Variants in DUS3L observed in about 807,000 individuals in gnomAD.
DUS3L encodes the protein tRNA-dihydrouridine(47) synthase [NAD(P)(+)]-like.
A neutral mutation model predicts 74.6 loss-of-function variants in DUS3L; 62 were observed. That is an observed-to-expected ratio of 0.83 (90% CI 0.68 to 1.03). DUS3L has a LOEUF of 1.03. Ranked by LOEUF, DUS3L falls within the 50% of genes least tolerant of loss-of-function variation. The pLI is 0.00. For synonymous variants in DUS3L, 433 were observed against 395.7 expected (o/e 1.09, Z -1.12); for missense variants, 884 against 924.4 (o/e 0.96, Z 0.57).
intron 3 of DUS3L, 84 bp downstream of exon 3, chr19:5,789,123 G>C: frequency 2.0e-6 from 3 of 1,484,110 alleles, no homozygotes; most frequent in South Asian, 1.4e-5. Context: ...CAGGCAGCTA[G>C]AACAGGAACG....
chr19:5,789,881 G>C, intron 2 of DUS3L, 162 bp from the exon 3 acceptor site: 1 of 1,302,028 alleles, frequency 7.7e-7, no homozygotes, highest in South Asian at 1.4e-5. Flanking sequence ...TGAGAACAAT[G>C]ACAAGCCCTA....
chr19:5,787,223 C>CGGCGGGA (rs373551653), intron 7 of DUS3L, 52 bp from the exon 8 acceptor site: 2 of 248,756 alleles, frequency 8.0e-6, no homozygotes, highest in Admixed American at 9.6e-5. Flanking sequence ...TGGTGGGAGA[C>CGGCGGGA]GGTGGGAGGT....
rs1450729331 is a variant in DUS3L, at chr19:5,787,317, C to G, written c.1257G>C (p.Gln419His). ...GTACCTGGTTCATGCCACGGACGAT[C>G]TGCTGGAACTTGGTGGAGCGATTCA... ...ALMNRSTKFQ[Q>H]IVRGMNQVLD... Residue 419 changes from glutamine (Q) to histidine (H), a missense_variant, in exon 7 of 13, where the codon CAG becomes CAC. By Grantham distance (24) the Gln-to-His change is conservative. Transcript: ENST00000309061. 1.8e-6 allele frequency: 2 copies of G among 1,119,618 alleles called. No individual in the cohort carries two copies. Among genetic ancestry groups the G allele is most frequent in the Non-Finnish European group, 1.1e-6 (1 of 896,570 alleles). The allele number at this position is 1,119,618 out of a possible 1,614,324, so 69.4% of individuals were successfully genotyped here.
chr19:5,789,869 A>C, intron 2 of DUS3L, 150 bp from the exon 3 acceptor site: 1 of 1,294,914 alleles, frequency 7.7e-7, no homozygotes, highest in Non-Finnish European at 1.1e-6. Flanking sequence ...CCATTTATAC[A>C]ATGAGAACAA....
chr19:5,787,498 A>C (rs1443327584), intron 6 of DUS3L, 91 bp downstream of exon 6: 8 of 1,540,672 alleles, frequency 5.2e-6, no homozygotes. Context: ...ACTTGAGCCC[A>C]AACCCCTGAC....
chr19:5,785,839 G>T, intron 10 of DUS3L, 48 bp from the exon 11 acceptor site: 1 of 1,507,752 alleles, frequency 6.6e-7, no homozygotes, highest in Non-Finnish European at 8.9e-7. Flanking sequence ...GCCTGCCTGG[G>T]ATCGTGTGGC....
intron 6 of DUS3L, 53 bp from the exon 7 acceptor site, chr19:5,787,414 C>A (rs2056864665): frequency 2.5e-6 from 4 of 1,590,768 alleles, no homozygotes; most frequent in Admixed American, 1.7e-5. Flanking sequence ...GACCCAAGAC[C>A]CCTCACCCCT....
rs920637805 is a variant in DUS3L at position 5,785,145 on chromosome 19, A to G, written c.*58T>C. On this transcript the variant is annotated 3_prime_UTR_variant, in exon 13 of 13. Coordinates refer to ENST00000309061, the MANE Select transcript of DUS3L (RefSeq NM_020175.3). ...GGGTCACAGAAAGGCCTGGATTTTAAAAGAATAAAATTTATTGTACTCTCC... is the reference window on the plus strand; with the variant it reads ...GGGTCACAGAAAGGCCTGGATTTTAGAAGAATAAAATTTATTGTACTCTCC... 109 of 1,540,064 alleles carry G rather than the reference A, an allele frequency of 7.1e-5. No homozygotes were observed. The highest frequency in any genetic ancestry group is 3.4e-4 in the Middle Eastern group (2 of 5,832).
chr19:5,789,891 A>C (rs4807051), intron 2 of DUS3L, 156 bp downstream of exon 2: 1 of 1,306,984 alleles, frequency 7.7e-7, no homozygotes, highest in Non-Finnish European at 1.0e-6. Flanking sequence ...GACAAGCCCT[A>C]CAATGTATCC....
At chr19:5,785,307 GC>G in intron 12 of DUS3L, 32 bp from the exon 13 acceptor site, 1 of 1,609,832 alleles carries the variant, frequency 6.2e-7, no homozygotes, top group Admixed American at 1.7e-5. Flanking sequence ...GCGAGGTCAG[GC>G]CCAGGACCTG....
Position 5,785,779 on chromosome 19 carries a change from G to C in DUS3L, c.1575C>G (p.Leu525=), listed in dbSNP as rs1023669688. The C allele has an allele frequency of 5.6e-6, 9 of 1,600,212 alleles. No individual in the cohort carries two copies. The Admixed American group carries it at 1.0e-4, about 18-fold the overall frequency. ...TGATCTCCGTGAAGAGCCACGGCTT[G>C]AGCAGGGCGCCACTGTGGGACGGGT... is the stretch of plus-strand genomic sequence containing the variant. ...TGIMIARGAL[L]KPWLFTEIKE... The change falls in exon 11 of 13, where the codon CTC becomes CTG. Residue 525 remains leucine (L), a synonymous_variant. Coordinates refer to ENST00000309061, the MANE Select transcript of DUS3L (RefSeq NM_020175.3).
chr19:5,790,863 C>A, intron 1 of DUS3L, 181 bp downstream of exon 1: 1 of 639,488 alleles, frequency 1.6e-6, no homozygotes, highest in Non-Finnish European at 2.7e-6. Flanking sequence ...GTGACAGGCC[C>A]CAACGTGCAC....
In DUS3L at chr19:5,789,654, C is replaced by T; in HGVS notation, c.453G>A (p.Leu151=). The T allele has an allele frequency of 6.2e-7, 1 of 1,609,400 alleles. No individual in the cohort carries two copies. The highest frequency in any genetic ancestry group is 8.5e-7 in the Non-Finnish European group (1 of 1,178,736). Residue 151 remains leucine, a synonymous_variant, in exon 3 of 13, where the codon CTG becomes CTA. Coordinates refer to ENST00000309061, the MANE Select transcript of DUS3L (RefSeq NM_020175.3). The part of the protein sequence containing the change: ...CRFLHDVGRY[L]ETKPADLGPR... ...GGCCCAGGTCGGCCGGCTTGGTCTC[C>T]AGGTAGCGCCCCACGTCGTGCAGAA...
At chr19:5,786,932 G>C in intron 8 of DUS3L, 87 bp from the exon 9 acceptor site, 1 of 1,504,848 alleles carries the variant, frequency 6.6e-7, no homozygotes, top group South Asian at 1.3e-5. Context: ...GAGAGAGACA[G>C]AGAGAGACAC....
At position 5,789,247 on chromosome 19, in the gene DUS3L, T is replaced by A; in HGVS notation, c.860A>T (p.Asp287Val). The stretch of plus-strand genomic sequence containing the variant: ...GGGCCGCAGCCTGACCACGTCCTCA[T>A]CCGTCAGGGGCCCGCAGGTCCGCAC... ...SPVRTCGPLT[D>V]EDVVRLRPCE... is the part of the protein sequence containing the mutation. Residue 287 changes from aspartate (D) to valine (V), a missense_variant, in exon 3 of 13, where the codon GAT becomes GTT. Physicochemically the swap from Asp to Val is radical, Grantham distance 152. Coordinates refer to ENST00000309061, the MANE Select transcript of DUS3L (RefSeq NM_020175.3). 6.4e-7 allele frequency: 1 copy of A among 1,567,160 alleles called. No homozygotes were observed. The highest frequency in any genetic ancestry group is 1.2e-5 in the South Asian group (1 of 84,276).
In DUS3L at chr19:5,785,809, A is replaced by T; in HGVS notation, c.1563-18T>A. 1 of 1,561,780 alleles carries T rather than the reference A, an allele frequency of 6.4e-7. No homozygotes were observed. The highest frequency in any genetic ancestry group is 8.7e-7 in the Non-Finnish European group (1 of 1,153,102). On this transcript the variant is annotated intron_variant, in intron 10 of 12. Transcript: ENST00000309061. Reference sequence around the variant, plus strand: ...GGGCGCCACTGTGGGACGGGTGACGATCAGTGGGCCCAGCCACCAGCCTGC... The same window carrying T: ...GGGCGCCACTGTGGGACGGGTGACGTTCAGTGGGCCCAGCCACCAGCCTGC...
In DUS3L at chr19:5,786,750, G is replaced by T; in HGVS notation, c.1485C>A (p.Phe495Leu). Residue 495 changes from phenylalanine (F) to leucine (L), a missense_variant and splice_region_variant, in exon 9 of 13, where the codon TTC becomes TTA. Coordinates refer to ENST00000309061, the MANE Select transcript of DUS3L (RefSeq NM_020175.3). ...CVQAASPMPL[F>L]GNGDILSFED... ...GAGGTGGCTTCCCGGAACACCCACC[G>T]AACAGGGGCATGGGGCTGGCGGCCT... 2 of 1,611,428 alleles carry T rather than the reference G, an allele frequency of 1.2e-6. No homozygotes were observed. The highest frequency in any genetic ancestry group is 1.7e-5 in the Admixed American group (1 of 59,872).
intron 3 of DUS3L, among the ~76,000 whole-genome samples, chr19:5,788,935 G>A (rs1183193340): frequency 2.0e-5 from 3 of 152,150 alleles, no homozygotes; most frequent in Admixed American, 6.5e-5. Flanking sequence ...TTGAACTCCC[G>A]ACTTCAAATG....
rs2056834569 is a variant in DUS3L, at chr19:5,785,654, C to T, written c.1700G>A (p.Gly567Asp). Residue 567 changes from glycine to aspartate, a missense_variant, in exon 11 of 13, where the codon GGC becomes GAC. By Grantham distance (94) the Gly-to-Asp change is moderately conservative. Transcript: ENST00000309061. ...CAGAAAGCGCCGGGTCTTCTCCACG[C>T]CCTGCGTGTCCGAGCCCCAGTGCTC... ...GLEHWGSDTQGVEKTRRFLLE... is the reference protein window; with the variant it reads ...GLEHWGSDTQDVEKTRRFLLE... 6.2e-7 allele frequency: 1 copy of T among 1,612,436 alleles called. No homozygotes were observed. The highest frequency in any genetic ancestry group is 8.5e-7 in the Non-Finnish European group (1 of 1,179,768).
Sources: allele counts gnomAD v4.1 joint callset (sites outside exome capture counted in the v4.1 genomes callset), GRCh38; gene constraint gnomAD v4.1.1; transcripts MANE v1.5; gene names NCBI Gene and HGNC (gene_info 2026-07-23, HGNC 2026-07-21).